The following RMI1 variants were observed in gnomAD, a reference collection of about 807,000 sequenced individuals.
RMI1 encodes RecQ mediated genome instability 1, also known as recQ-mediated genome instability protein 1.
A neutral mutation model predicts 46.7 loss-of-function variants in RMI1; 36 were observed. The observed-to-expected ratio is 0.77, with a 90% confidence interval of 0.59 to 1.02. The LOEUF (loss-of-function observed/expected upper bound fraction) is 1.02, where lower values mean the gene tolerates loss of function less well. RMI1 is among the 50% of genes least tolerant of loss of function. The probability of loss-of-function intolerance (pLI) is 0.00; values close to 1 mark genes in which losing one functional copy is unlikely to be tolerated. For synonymous variants in RMI1, 250 were observed against 252.9 expected (o/e 0.99, Z 0.11); for missense variants, 676 against 713.7 (o/e 0.95, Z 0.60).
At chr9:83,986,939 C>G (rs1033367071) in intron 1 of RMI1, among the ~76,000 whole-genome samples, 1 of 152,154 alleles carries the variant, frequency 6.6e-6, no homozygotes, top group African/African-American at 2.4e-5. Context: ...TTTTACAACA[C>G]CTTTGAAAAT....
At chr9:83,983,137 T>C (rs1323753086) in intron 1 of RMI1, among the ~76,000 whole-genome samples, 3 of 152,244 alleles carry the variant, frequency 2.0e-5, no homozygotes, top group Admixed American at 2.0e-4. Flanking sequence ...TACTATTTCC[T>C]GAGTTCCCCA....
At chr9:83,997,984 A>G (rs1032561327) in intron 1 of RMI1, among the ~76,000 whole-genome samples, 1 of 151,778 alleles carries the variant, frequency 6.6e-6, no homozygotes, top group Non-Finnish European at 1.5e-5. Context: ...AAATTTAAAG[A>G]TGGGATCTTG....
intron 1 of RMI1, among the ~76,000 whole-genome samples, chr9:83,983,287 G>A (rs1239398893): frequency 6.6e-6 from 1 of 152,140 alleles, no homozygotes; most frequent in Non-Finnish European, 1.5e-5. Context: ...TAGCAAAATG[G>A]GGTTCCAGAT....
chr9:83,983,132 T>A (rs1444019359), intron 1 of RMI1, among the ~76,000 whole-genome samples: 1 of 152,238 alleles, frequency 6.6e-6, no homozygotes, highest in Non-Finnish European at 1.5e-5. Context: ...ATAACTACTA[T>A]TTCCTGAGTT....
chr9:83,984,609 T>C (rs191328711), intron 1 of RMI1, among the ~76,000 whole-genome samples: 1,558 of 152,086 alleles, frequency 0.01, 19 homozygotes, highest in Non-Finnish European at 0.018. Flanking sequence ...TTGCCCAGGC[T>C]GTAGTGCAAT....
chr9:84,002,651 G>A lies in RMI1; in HGVS notation c.1665G>A (p.Gly555=), dbSNP rs1207021080. The A allele has an allele frequency of 6.2e-7, 1 of 1,613,756 alleles. No homozygotes were observed. Among genetic ancestry groups the A allele is most frequent in the African/African-American group, 1.3e-5 (1 of 74,896 alleles). The part of the protein sequence containing the change: ...FVDEILTSLI[G]FSVPEMKQSK... ...ATGAAATACTTACTAGCTTGATAGG[G>A]TTCTCAGTACCAGAAATGAAACAGT... The change falls in exon 3 of 3, where the codon GGG becomes GGA. Residue 555 remains glycine (G), a synonymous_variant. Transcript: ENST00000445877.
chr9:83,999,872 A>G (rs1305163666), intron 2 of RMI1, 75 bp downstream of exon 2: 1 of 152,216 alleles, frequency 6.6e-6, no homozygotes, highest in Non-Finnish European at 1.5e-5. Context: ...AGAAGGAACA[A>G]AGTATACTTT....
At chr9:83,988,614 C>G (rs577228617) in intron 1 of RMI1, among the ~76,000 whole-genome samples, 13 of 152,288 alleles carry the variant, frequency 8.5e-5, no homozygotes, top group Non-Finnish European at 1.6e-4. Context: ...CAACTGTTTT[C>G]CTTTGTAGAA....
At chr9:83,992,738 T>G (rs1385044718) in intron 1 of RMI1, among the ~76,000 whole-genome samples, 1 of 152,222 alleles carries the variant, frequency 6.6e-6, no homozygotes, top group East Asian at 1.9e-4. Context: ...AAAGTAAAAT[T>G]GACTTTTGTG....
At chr9:83,988,203 A>G (rs929634275) in intron 1 of RMI1, among the ~76,000 whole-genome samples, 3 of 152,148 alleles carry the variant, frequency 2.0e-5, no homozygotes, top group African/African-American at 2.4e-5. Context: ...ATTTTAATGG[A>G]TGTCAAAATT....
Position 83,996,880 on chromosome 9 carries a change from A to G in RMI1, c.-125-2829A>G, listed in dbSNP as rs572332295. ...GGCAGAGAGGGAGAAGGTGCCACAC[A>G]CTTTTTTTTTTTAATCAGGCATTTA... On this transcript the variant is annotated intron_variant, in intron 1 of 2. Transcript: ENST00000445877. 1.6e-4 allele frequency among the ~76,000 whole-genome samples: 25 copies of G among 151,606 alleles called. No individual in the cohort carries two copies. In the South Asian group the frequency reaches 4.6e-3, roughly 28 times the overall value.
rs1165778293 is a variant in RMI1 at position 83,999,788 on chromosome 9, G to A, written c.-46G>A. ...TTCTGTCATCAAATCCTGTGCTGCTGTTCCTCGTGGTAAGTTTTCTTATGG... is the reference window on the plus strand; with the variant it reads ...TTCTGTCATCAAATCCTGTGCTGCTATTCCTCGTGGTAAGTTTTCTTATGG... On this transcript the variant is annotated 5_prime_UTR_variant, in exon 2 of 3. Coordinates refer to ENST00000445877, the MANE Select transcript of RMI1 (RefSeq NM_001358291.2). 6.6e-6 allele frequency: 1 copy of A among 152,170 alleles called. No individual in the cohort carries two copies. The highest frequency in any genetic ancestry group is 2.4e-5 in the African/African-American group (1 of 41,440). 9.4% of individuals were successfully genotyped at this position (152,170 alleles called of 1,614,324 possible).
At position 84,001,129 on chromosome 9, in the gene RMI1, T is replaced by G. The variant is rs929650312; in HGVS notation, c.143T>G (p.Met48Arg). 6.2e-7 allele frequency: 1 copy of G among 1,614,094 alleles called. No homozygotes were observed. The highest frequency in any genetic ancestry group is 8.5e-7 in the Non-Finnish European group (1 of 1,179,972). The stretch of plus-strand genomic sequence containing the variant: ...AATGTTAACTTGAGTCAGGCCCAAA[T>G]GAATAAACAAGTGTTTGAGCAGTGG... Reference protein sequence around the residue: ...NNNVNLSQAQMNKQVFEQWLL... With the variant: ...NNNVNLSQAQRNKQVFEQWLL... Residue 48 changes from methionine to arginine, a missense_variant, in exon 3 of 3, where the codon ATG (methionine) becomes AGG (arginine). Met to Arg is a moderately conservative substitution (Grantham distance 91). Coordinates refer to ENST00000445877, the MANE Select transcript of RMI1 (RefSeq NM_001358291.2).
intron 1 of RMI1, among the ~76,000 whole-genome samples, chr9:83,993,273 AT>A (rs899729402): frequency 2.2e-4 from 34 of 152,104 alleles, no homozygotes; most frequent in African/African-American, 8.2e-4. Flanking sequence ...TGATTGGCTT[AT>A]TTTACTTAGC....
chr9:83,981,320 A>G (rs915760241), intron 1 of RMI1, among the ~76,000 whole-genome samples: 15 of 152,200 alleles, frequency 9.9e-5, no homozygotes, highest in Non-Finnish European at 1.9e-4. Flanking sequence ...TTTTTAGGCA[A>G]TATGTATTGC....
At position 84,003,969 on chromosome 9, in the gene RMI1, T is replaced by C. The variant is rs1310845052; in HGVS notation, c.*1105T>C. ...TTACCATTCTTCCACTGTGCTGTTA[T>C]AAAGTTGTATTTGAAAGGTAATGTT... is the stretch of plus-strand genomic sequence containing the variant. On this transcript the variant is annotated 3_prime_UTR_variant, in exon 3 of 3. Coordinates refer to ENST00000445877, the MANE Select transcript of RMI1 (RefSeq NM_001358291.2). The C allele has an allele frequency of 6.1e-6, 1 of 164,768 alleles. No individual in the cohort carries two copies. 10.2% of individuals were successfully genotyped at this position (164,768 alleles called of 1,614,324 possible).
intron 1 of RMI1, among the ~76,000 whole-genome samples, chr9:83,992,627 A>G (rs1957591213): frequency 6.6e-6 from 1 of 152,244 alleles, no homozygotes; most frequent in Admixed American, 6.5e-5. Context: ...GCACATGTTC[A>G]TGAATGACCA....
intron 1 of RMI1, among the ~76,000 whole-genome samples, chr9:83,985,004 T>A (rs1037877349): frequency 6.6e-6 from 1 of 152,216 alleles, no homozygotes; most frequent in African/African-American, 2.4e-5. Flanking sequence ...GCCTCTGAGC[T>A]GCTTCTACCT....
chr9:83,985,352 G>T (rs1438738058), intron 1 of RMI1, among the ~76,000 whole-genome samples: 1 of 152,166 alleles, frequency 6.6e-6, no homozygotes, highest in African/African-American at 2.4e-5. Flanking sequence ...TGTAACAGAT[G>T]TATGTTAGCA....
Sources: gnomAD v4.1 joint callset for allele counts (sites outside exome capture counted in the v4.1 genomes callset) on GRCh38, gnomAD v4.1.1 for gene constraint, MANE v1.5 for transcripts, NCBI Gene and HGNC (gene_info 2026-07-23, HGNC 2026-07-21) for gene names.